Variants in RNASEL observed in about 807,000 individuals in gnomAD.
RNASEL encodes the protein ribonuclease L.
In RNASEL, 36 loss-of-function variants were observed where a neutral mutation model predicts 50.9. The ratio of observed to expected loss-of-function variants is 0.71; its 90% CI spans 0.54 to 0.93. The LOEUF (loss-of-function observed/expected upper bound fraction) is 0.93, where lower values mean the gene tolerates loss of function less well. RNASEL is among the 40% of genes least tolerant of loss of function. The pLI is 0.00. For missense variants in RNASEL, 860 were observed against 894.5 expected (o/e 0.96, Z 0.49); for synonymous variants, 335 against 335.6 (o/e 1.00, Z 0.02).
In RNASEL at chr1:182,586,100, C is replaced by G. The variant is rs1661590453; in HGVS notation, c.707G>C (p.Gly236Ala). The change falls in exon 2 of 7, where the codon GGA (glycine) becomes GCA (alanine). Residue 236 changes from glycine to alanine, a missense_variant. Transcript: ENST00000367559. ...LDHGADVNVRGERGKTPLILA... is the reference protein window; with the variant it reads ...LDHGADVNVRAERGKTPLILA... ...GATCAGGGGAGTCTTCCCTCTTTCT[C>G]CCCTCACATTGACATCAGCCCCATG... 3.1e-6 allele frequency: 5 copies of G among 1,614,154 alleles called. No homozygotes were observed. Among genetic ancestry groups the G allele is most frequent in the East Asian group, 4.5e-5 (2 of 44,886 alleles).
chr1:182,582,291 C>G (rs1384058328), intron 3 of RNASEL, 33 bp from the exon 4 acceptor site: 1 of 1,610,870 alleles, frequency 6.2e-7, no homozygotes, highest in Non-Finnish European at 8.5e-7. Context: ...GCCAAAGATG[C>G]TTACTAATTA....
rs1292958839 is a variant in RNASEL at position 182,575,153 on chromosome 1, A to G, written c.*239T>C. On this transcript the variant is annotated 3_prime_UTR_variant, in exon 7 of 7. Transcript: ENST00000367559. The stretch of plus-strand genomic sequence containing the variant: ...ACTCATTCTTTTGGTGCAATTGACA[A>G]AAGGAATCTTAGCAGAATGTCCTCC... 1.8e-6 allele frequency: 1 copy of G among 549,954 alleles called. No individual in the cohort carries two copies. Among genetic ancestry groups the G allele is most frequent in the East Asian group, 3.0e-5 (1 of 33,290 alleles). 34.1% of individuals were successfully genotyped at this position (549,954 alleles called of 1,614,324 possible).
Position 182,585,426 on chromosome 1 carries a change from C to A in RNASEL, c.1381G>T (p.Ala461Ser). ...EDVENEEDEF[A>S]RNVLSSIFKA... ...AATATAGATGACAGGACATTTCGGG[C>A]AAATTCATCTTCCTCATTTTCCACA... Residue 461 changes from alanine (A) to serine (S), a missense_variant, in exon 2 of 7, where the codon GCC becomes TCC. Transcript: ENST00000367559. 6.2e-7 allele frequency: 1 copy of A among 1,614,146 alleles called. No homozygotes were observed. Among genetic ancestry groups the A allele is most frequent in the Non-Finnish European group, 8.5e-7 (1 of 1,180,028 alleles).
In RNASEL at chr1:182,582,231, C is replaced by T. The variant is rs193195484; in HGVS notation, c.1594G>A (p.Val532Ile). The change falls in exon 4 of 7, where the codon GTA becomes ATA. Residue 532 changes from valine to isoleucine, a missense_variant. Val to Ile is a conservative substitution (Grantham distance 29, BLOSUM62 3). Coordinates refer to ENST00000367559, the MANE Select transcript of RNASEL (RefSeq NM_021133.4). ...EDLGRLVLYV[V>I]KKGSISFEDL... ...TCAAATGAGATGCTTCCCTTCTTTA[C>T]CACATAGAGGACCAGCCGTCCAAGG... is the stretch of plus-strand genomic sequence containing the variant. 53 of 1,614,142 alleles carry T rather than the reference C, an allele frequency of 3.3e-5. No individual in the cohort carries two copies. Among genetic ancestry groups the T allele is most frequent in the South Asian group, 5.5e-5 (5 of 91,084 alleles).
intron 5 of RNASEL, among the ~76,000 whole-genome samples, chr1:182,577,624 G>GA (rs1246620153): frequency 1.3e-5 from 2 of 151,572 alleles, no homozygotes; most frequent in South Asian, 2.1e-4. Flanking sequence ...CAGAATTAGA[G>GA]AAAAAATCCT....
At chr1:182,583,295 T>C (rs1245547475) in intron 3 of RNASEL, among the ~76,000 whole-genome samples, 14 of 152,178 alleles carry the variant, frequency 9.2e-5, no homozygotes, top group Admixed American at 8.5e-4. Flanking sequence ...ACCCAAGCTG[T>C]TGCACCTTCC....
Position 182,574,722 on chromosome 1 carries a change from T to G in RNASEL, c.*670A>C, listed in dbSNP as rs1233963818. 1.3e-5 allele frequency: 3 copies of G among 232,276 alleles called. No individual in the cohort carries two copies. Among genetic ancestry groups the G allele is most frequent in the Non-Finnish European group, 2.5e-5 (3 of 117,850 alleles). 14.4% of individuals were successfully genotyped at this position (232,276 alleles called of 1,614,324 possible). ...GCCAAATGCTCTCTTCAGTGCAAAATTGCCCCCCAGTTGAGAACTACTGCC... is the reference window on the plus strand; with the variant it reads ...GCCAAATGCTCTCTTCAGTGCAAAAGTGCCCCCCAGTTGAGAACTACTGCC... On this transcript the variant is annotated 3_prime_UTR_variant, in exon 7 of 7. Transcript: ENST00000367559.
chr1:182,589,058 C>G (rs1661653155), intron 1 of RNASEL, 109 bp downstream of exon 1: 2 of 152,298 alleles, frequency 1.3e-5, no homozygotes, highest in African/African-American at 4.8e-5. Flanking sequence ...AGCTCCCCTC[C>G]CACTTCCCAA....
At chr1:182,582,022 G>A in intron 4 of RNASEL, 31 bp downstream of exon 4, 1 of 1,589,438 alleles carries the variant, frequency 6.3e-7, no homozygotes, top group East Asian at 2.2e-5. Context: ...CATCCTGGAG[G>A]CCTGTGGCAT....
intron 3 of RNASEL, among the ~76,000 whole-genome samples, chr1:182,583,392 G>C (rs1661531469): frequency 6.6e-6 from 1 of 152,228 alleles, no homozygotes. Context: ...GCAAGATGGG[G>C]AAAGCCTTGA....
chr1:182,584,779 T>TC (rs1661560266), intron 2 of RNASEL, among the ~76,000 whole-genome samples: 1 of 152,126 alleles, frequency 6.6e-6, no homozygotes, highest in Non-Finnish European at 1.5e-5. Context: ...CCTGGCTTGC[T>TC]CCCCCGCACC....
rs2102371560 is a variant in RNASEL at position 182,586,265 on chromosome 1, A to T, written c.542T>A (p.Val181Glu). The change falls in exon 2 of 7, where the codon GTA becomes GAA. Residue 181 changes from valine (V) to glutamate (E), a missense_variant. Val to Glu is a moderately radical substitution (Grantham distance 121). Coordinates refer to ENST00000367559, the MANE Select transcript of RNASEL (RefSeq NM_021133.4). ...ALMDAAEKGH[V>E]EVLKILLDEM... ...ATCAAGGAGAATCTTCAAGACCTCT[A>T]CGTGTCCTTTTTCAGCAGCGTCCAT... The T allele has an allele frequency of 1.2e-6, 2 of 1,614,190 alleles. No individual in the cohort carries two copies. Among genetic ancestry groups the T allele is most frequent in the Middle Eastern group, 1.6e-4 (1 of 6,062 alleles).
chr1:182,583,972 T>A, intron 3 of RNASEL, 109 bp downstream of exon 3: 1 of 821,120 alleles, frequency 1.2e-6, no homozygotes, highest in Non-Finnish European at 2.1e-6. Flanking sequence ...AAACTCCCTT[T>A]CATATATACA....
chr1:182,579,772 T>C, intron 5 of RNASEL: 8 of 1,174,280 alleles, frequency 6.8e-6, no homozygotes, highest in Non-Finnish European at 6.6e-6. Flanking sequence ...AGTTCCTCTT[T>C]CCAGGTCTGC....
In RNASEL at chr1:182,582,241, G is replaced by T. The variant is rs200818153; in HGVS notation, c.1584C>A (p.Val528=). 4 of 1,613,952 alleles carry T rather than the reference G, an allele frequency of 2.5e-6. No homozygotes were observed. Among genetic ancestry groups the T allele is most frequent in the Non-Finnish European group, 3.4e-6 (4 of 1,180,012 alleles). ...TGCTTCCCTTCTTTACCACATAGAG[G>T]ACCAGCCGTCCAAGGTCCTGCACAA... The part of the protein sequence containing the change: ...KRDLEDLGRL[V]LYVVKKGSIS... Residue 528 remains valine, a synonymous_variant, in exon 4 of 7, where the codon GTC becomes GTA. Coordinates refer to ENST00000367559, the MANE Select transcript of RNASEL (RefSeq NM_021133.4).
intron 5 of RNASEL, chr1:182,579,178 A>G: frequency 3.3e-6 from 3 of 915,466 alleles, no homozygotes; most frequent in Non-Finnish European, 3.9e-6. Context: ...ACCACTACAC[A>G]ATATATCCAT....
intron 5 of RNASEL, chr1:182,579,318 G>A (rs1661447924): frequency 1.0e-6 from 1 of 986,502 alleles, no homozygotes. Flanking sequence ...GTCTGTGCTT[G>A]TCACCCTCAT....
intron 3 of RNASEL, among the ~76,000 whole-genome samples, chr1:182,583,188 T>C (rs909904786): frequency 6.6e-6 from 1 of 152,188 alleles, no homozygotes; most frequent in Admixed American, 6.5e-5. Flanking sequence ...GGAGAGAAGA[T>C]GTGGCATGCT....
In RNASEL at chr1:182,586,621, A is replaced by G. The variant is rs2102372362; in HGVS notation, c.186T>C (p.Pro62=). The part of the protein sequence containing the change: ...NFQEEEGGWT[P]LHNAVQMSRE... ...TGCTCATTTGTACTGCGTTATGCAG[A>G]GGTGTCCAGCCCCCTTCCTCTTCCT... The change falls in exon 2 of 7, where the codon CCT becomes CCC. Residue 62 remains proline, a synonymous_variant. Coordinates refer to ENST00000367559, the MANE Select transcript of RNASEL (RefSeq NM_021133.4). 1 of 1,612,754 alleles carries G rather than the reference A, an allele frequency of 6.2e-7. No homozygotes were observed. The highest frequency in any genetic ancestry group is 1.1e-5 in the South Asian group (1 of 91,016).
Sources: allele counts gnomAD v4.1 joint callset (sites outside exome capture counted in the v4.1 genomes callset), GRCh38; gene constraint gnomAD v4.1.1; transcripts MANE v1.5; gene names NCBI Gene and HGNC (gene_info 2026-07-23, HGNC 2026-07-21).